CAMTA1: variants seen among roughly 807,000 people sequenced by gnomAD.
CAMTA1 encodes the protein calmodulin binding transcription activator 1, also known as calmodulin-binding transcription activator 1.
CAMTA1 carries 27 observed loss-of-function variants against 170.9 expected under a neutral mutation model. The observed-to-expected ratio is 0.16, with a 90% CI of 0.12 to 0.22. CAMTA1 has a LOEUF of 0.22. Among genes scored for constraint, CAMTA1 ranks in the 10% least tolerant of loss-of-function variants. The pLI is 1.00. For synonymous variants in CAMTA1, 833 were observed against 891.5 expected (o/e 0.93, Z 1.17); for missense variants, 1,619 against 2,217.2 (o/e 0.73, Z 5.42).
At chr1:6,864,206 ATC>A (rs1269592474) in intron 3 of CAMTA1, among the ~76,000 whole-genome samples, 5 of 152,096 alleles carry the variant, frequency 3.3e-5, no homozygotes, top group African/African-American at 1.2e-4. Flanking sequence ...TCTTCTTTTT[ATC>A]TGTTTTGAAT....
At chr1:6,944,259 A>C (rs973923654) in intron 3 of CAMTA1, among the ~76,000 whole-genome samples, 3 of 152,296 alleles carry the variant, frequency 2.0e-5, no homozygotes, top group Admixed American at 2.0e-4. Context: ...ACCTTTGCCT[A>C]TCCGCTCGTC....
At chr1:6,795,918 G>A (rs1006340457) in intron 1 of CAMTA1, among the ~76,000 whole-genome samples, 5 of 152,162 alleles carry the variant, frequency 3.3e-5, no homozygotes, top group Admixed American at 2.6e-4. Flanking sequence ...AGATACTGGA[G>A]TTATTTTGAT....
Position 7,463,245 on chromosome 1 carries a change from C to T in CAMTA1, c.439-4585C>T, listed in dbSNP as rs1319959365. 6.6e-6 allele frequency among the ~76,000 whole-genome samples: 1 copy of T among 152,056 alleles called. No homozygotes were observed. The highest frequency in any genetic ancestry group is 1.5e-5 in the Non-Finnish European group (1 of 68,022). ...TAAGTTGCTGAATCCTCTGCGGCTT[C>T]CCCCAGGCAGGGCATGGGAGGTGGA... is the stretch of plus-strand genomic sequence containing the variant. On this transcript the variant is annotated intron_variant, in intron 5 of 22. Transcript: ENST00000303635. The surrounding 1 kb of genome is among the most constrained non-coding windows in gnomAD (Gnocchi z 4.7).
chr1:6,820,319 G>A (rs1646340722), intron 2 of CAMTA1, 69 bp downstream of exon 2: 1 of 1,534,968 alleles, frequency 6.5e-7, no homozygotes, highest in South Asian at 1.1e-5. Context: ...TTATCATCTA[G>A]TACAGTGGAA....
In CAMTA1 at chr1:7,499,258, T is replaced by C. The variant is rs1330503565; in HGVS notation, c.510+31357T>C. ...GTGTGTGTGCATGTGTGTACATGAG[T>C]GAGTGTGTAGAGAGGATGGTGTGAG... is the stretch of plus-strand genomic sequence containing the variant. On this transcript the variant is annotated intron_variant, in intron 6 of 22. Transcript: ENST00000303635. 1.3e-3 allele frequency among the ~76,000 whole-genome samples: 62 copies of C among 47,162 alleles called. 3 individuals are homozygous for C. The highest frequency in any genetic ancestry group is 2.3e-3 in the Non-Finnish European group (52 of 22,228). 30.9% of individuals were successfully genotyped at this position (47,162 alleles called of 152,430 possible). A position where few individuals can be genotyped will look rare whatever the true frequency, so the allele number is the denominator to read the frequency against.
intron 19 of CAMTA1, among the ~76,000 whole-genome samples, chr1:7,749,377 G>T (rs1319729407): frequency 6.6e-6 from 1 of 152,136 alleles, no homozygotes; most frequent in Non-Finnish European, 1.5e-5. Context: ...AAGGTTTATT[G>T]TGCAAACGCT....
intron 4 of CAMTA1, among the ~76,000 whole-genome samples, chr1:7,133,083 G>A (rs1325082332): frequency 1.3e-5 from 2 of 151,922 alleles, no homozygotes; most frequent in Admixed American, 6.6e-5. Context: ...GTTTTATATC[G>A]GGGTAATGCT....
chr1:7,738,546 G>C lies in CAMTA1; in HGVS notation c.4182+64G>C. The C allele has an allele frequency of 6.5e-7, 1 of 1,530,524 alleles. No individual in the cohort carries two copies. Among genetic ancestry groups the C allele is most frequent in the South Asian group, 1.2e-5 (1 of 80,826 alleles). 94.8% of individuals were successfully genotyped at this position (1,530,524 alleles called of 1,614,324 possible). On this transcript the variant is annotated intron_variant, in intron 16 of 22. Coordinates refer to ENST00000303635, the MANE Select transcript of CAMTA1 (RefSeq NM_015215.4). The surrounding 1 kb of genome is among the most constrained non-coding windows in gnomAD (Gnocchi z 4.9). ...GCGTTCCAGTTGCTGTGATCTTTAT[G>C]GTCCATTTCCGAAGGTTGTGTCATT...
chr1:7,338,042 T>TACTTGC (rs1463497407), intron 5 of CAMTA1, among the ~76,000 whole-genome samples: 1 of 151,622 alleles, frequency 6.6e-6, no homozygotes, highest in African/African-American at 2.4e-5. Context: ...TATGTACATA[T>TACTTGC]ATATTATATA....
intron 5 of CAMTA1, among the ~76,000 whole-genome samples, chr1:7,288,854 G>A (rs1025635661): frequency 6.6e-6 from 1 of 152,200 alleles, no homozygotes; most frequent in Non-Finnish European, 1.5e-5. Flanking sequence ...GAGGATCAAA[G>A]TCAGGATGAG....
chr1:7,499,768 TGA>T (rs1212509623), intron 6 of CAMTA1, among the ~76,000 whole-genome samples: 3 of 123,526 alleles, frequency 2.4e-5, no homozygotes, highest in Non-Finnish European at 5.0e-5. Context: ...GAGCCTGTTG[TGA>T]GTGTGTGTGT....
chr1:7,450,636 T>C (rs1238477848), intron 5 of CAMTA1, among the ~76,000 whole-genome samples: 3 of 152,232 alleles, frequency 2.0e-5, no homozygotes, highest in Non-Finnish European at 4.4e-5. Flanking sequence ...TAGCAGCACA[T>C]TGGATTCCAA....
At chr1:7,661,136 T>C (rs1375899241) in intron 7 of CAMTA1, among the ~76,000 whole-genome samples, 1 of 152,198 alleles carries the variant, frequency 6.6e-6, no homozygotes, top group African/African-American at 2.4e-5. Flanking sequence ...ACGTGGGCCC[T>C]TCAGTCCCGT....
chr1:7,506,270 C>G (rs568159149), intron 6 of CAMTA1, among the ~76,000 whole-genome samples: 1 of 152,240 alleles, frequency 6.6e-6, no homozygotes, highest in African/African-American at 2.4e-5. Context: ...GTCCCAGGTG[C>G]CCCAGGGCCC....
chr1:7,031,163 A>G (rs760128973), intron 3 of CAMTA1, among the ~76,000 whole-genome samples: 57 of 152,006 alleles, frequency 3.7e-4, no homozygotes, highest in Non-Finnish European at 6.0e-4. Context: ...TTATTAAGGG[A>G]GGGATACGGA....
rs1190364053 is a variant in CAMTA1, at chr1:7,557,135, C to T, written c.511-83265C>T. ...CCAGCCTGGGCAACATGGCGAAACC[C>T]GGCCTCTACTAAAATACAAAAAATT... On this transcript the variant is annotated intron_variant, in intron 6 of 22. Coordinates refer to ENST00000303635, the MANE Select transcript of CAMTA1 (RefSeq NM_015215.4). 3.9e-5 allele frequency among the ~76,000 whole-genome samples: 6 copies of T among 152,062 alleles called. No homozygotes were observed. In the South Asian group the frequency reaches 8.3e-4, roughly 21 times the overall value.
At chr1:7,584,132 T>G (rs2095287056) in intron 6 of CAMTA1, among the ~76,000 whole-genome samples, 1 of 152,168 alleles carries the variant, frequency 6.6e-6, no homozygotes, top group African/African-American at 2.4e-5. Flanking sequence ...AAAGAAAAAC[T>G]TTATTCATGA....
chr1:7,423,846 C>T (rs2091725968), intron 5 of CAMTA1, among the ~76,000 whole-genome samples: 1 of 152,054 alleles, frequency 6.6e-6, no homozygotes, highest in African/African-American at 2.4e-5. Flanking sequence ...TTTAACATAC[C>T]AGATGGAAAA....
chr1:7,249,321 C>T lies in CAMTA1; in HGVS notation c.303-170C>T, dbSNP rs1666288206. ...CAAATCCAAAGCAAATTTTGGCTGG[C>T]CATAAAACATGGTTAATCCAGGGAG... is the stretch of plus-strand genomic sequence containing the variant. On this transcript the variant is annotated intron_variant, in intron 4 of 22. Transcript: ENST00000303635. The surrounding 1 kb of genome is among the most constrained non-coding windows in gnomAD (Gnocchi z 4.4). Among the ~76,000 whole-genome samples the T allele has an allele frequency of 6.6e-6, 1 of 152,070 alleles. No individual in the cohort carries two copies. The highest frequency in any genetic ancestry group is 1.5e-5 in the Non-Finnish European group (1 of 68,012).
Sources: gnomAD v4.1 joint callset for allele counts (sites outside exome capture counted in the v4.1 genomes callset) on GRCh38, gnomAD v4.1.1 for gene constraint, Gnocchi (gnomAD v3.1) non-coding constraint, MANE v1.5 for transcripts, NCBI Gene and HGNC (gene_info 2026-07-23, HGNC 2026-07-21) for gene names.